The following GREM1 variants were observed in gnomAD, a reference collection of about 807,000 sequenced individuals.
GREM1 encodes the protein gremlin-1.
Under a neutral mutation model 13.1 loss-of-function variants are expected in GREM1, and 6 were observed. That is an observed-to-expected ratio of 0.46 (90% CI 0.25 to 0.91). GREM1 has a LOEUF of 0.91. Among genes scored for constraint, GREM1 ranks in the 40% least tolerant of loss-of-function variants. The pLI, the probability that GREM1 is intolerant of heterozygous loss-of-function variation, is 0.18. For synonymous variants in GREM1, 98 were observed against 93.7 expected, an observed-to-expected ratio of 1.05 and a Z score of -0.27; for missense variants, 185 against 233.9, an observed-to-expected ratio of 0.79 and a Z score of 1.36.
Position 32,737,428 on chromosome 15 carries a change from A to G in GREM1, c.*6183A>G, listed in dbSNP as rs2055709070. 6.6e-6 allele frequency: 1 copy of G among 152,226 alleles called. No individual in the cohort carries two copies. Among genetic ancestry groups the G allele is most frequent in the African/African-American group, 2.4e-5 (1 of 41,458 alleles). The allele number at this position is 152,226 out of a possible 1,614,324, so 9.4% of individuals were successfully genotyped here. On this transcript the variant is annotated 3_prime_UTR_variant, in exon 2 of 2. Transcript: ENST00000651154. ...TGGAAAGGATTATATACCTTGACCA[A>G]GTGGGATTTGCCCCAGGAATGCAAG...
chr15:32,731,821 G>A lies in GREM1; in HGVS notation c.*576G>A, dbSNP rs16957163. On this transcript the variant is annotated 3_prime_UTR_variant, in exon 2 of 2. Coordinates refer to ENST00000651154, the MANE Select transcript of GREM1 (RefSeq NM_013372.7). ...TAATTCACTTAACCATGATGCAAAT[G>A]TTTTTCATTTTGTGAAGACCCTCCA... The A allele has an allele frequency of 0.017, 3,926 of 232,600 alleles. 181 individuals are homozygous for A. The highest frequency in any genetic ancestry group is 0.084 in the African/African-American group (3,725 of 44,454). 14.4% of individuals were successfully genotyped at this position (232,600 alleles called of 1,614,324 possible). A position where few individuals can be genotyped will look rare whatever the true frequency, so the allele number is the denominator to read the frequency against.
rs1236395735 is a variant in GREM1 at position 32,739,176 on chromosome 15, G to A, written c.*7931G>A. 2 of 152,146 alleles carry A rather than the reference G, an allele frequency of 1.3e-5. No homozygotes were observed. Among genetic ancestry groups the A allele is most frequent in the Non-Finnish European group, 2.9e-5 (2 of 68,030 alleles). The allele number at this position is 152,146 out of a possible 1,614,324, so 9.4% of individuals were successfully genotyped here. A position where few individuals can be genotyped will look rare whatever the true frequency, so the allele number is the denominator to read the frequency against. Reference sequence around the variant, plus strand: ...ATCCTAAGGAATTTACAAAAGAACTGCTACCCTGAAAGAATTGTTGTAAGG... The same window carrying A: ...ATCCTAAGGAATTTACAAAAGAACTACTACCCTGAAAGAATTGTTGTAAGG... On this transcript the variant is annotated 3_prime_UTR_variant, in exon 2 of 2. Coordinates refer to ENST00000651154, the MANE Select transcript of GREM1 (RefSeq NM_013372.7).
At position 32,741,582 on chromosome 15, in the gene GREM1, A is replaced by G. The variant is rs1292307349; in HGVS notation, c.*10337A>G. 1 of 152,058 alleles carries G rather than the reference A, an allele frequency of 6.6e-6. No individual in the cohort carries two copies. Among genetic ancestry groups the G allele is most frequent in the African/African-American group, 2.4e-5 (1 of 41,422 alleles). The allele number at this position is 152,058 out of a possible 1,614,324, so 9.4% of individuals were successfully genotyped here. On this transcript the variant is annotated 3_prime_UTR_variant, in exon 2 of 2. Transcript: ENST00000651154. ...CTAACAGTTTTTTGATGGAGTCTTT[A>G]GGGTTTTCTATGTATAAGATTATGT...
At chr15:32,719,118 C>T (rs754279132) in intron 1 of GREM1, 53 of 154,180 alleles carry the variant, frequency 3.4e-4, no homozygotes, top group Non-Finnish European at 4.7e-4. Context: ...TTCTCTCTCG[C>T]TGCCTGGCTG....
intron 1 of GREM1, chr15:32,718,705 G>C (rs1283140539): frequency 2.8e-6 from 1 of 351,908 alleles, no homozygotes; most frequent in East Asian, 7.5e-5. Context: ...TCCCCGAGGT[G>C]AGATGGAGAC....
In GREM1 at chr15:32,742,966, T is replaced by C. The variant is rs879526077; in HGVS notation, c.*11721T>C. On this transcript the variant is annotated 3_prime_UTR_variant, in exon 2 of 2. Coordinates refer to ENST00000651154, the MANE Select transcript of GREM1 (RefSeq NM_013372.7). ...GACATTGCCCTTGGCAATGATTTCA[T>C]GTACATAACAACAAAAGCACAGGTA... is the stretch of plus-strand genomic sequence containing the variant. 6.6e-6 allele frequency: 1 copy of C among 152,232 alleles called. No homozygotes were observed. Among genetic ancestry groups the C allele is most frequent in the Non-Finnish European group, 1.5e-5 (1 of 68,036 alleles). 9.4% of individuals were successfully genotyped at this position (152,232 alleles called of 1,614,324 possible).
At position 32,739,619 on chromosome 15, in the gene GREM1, T is replaced by G. The variant is rs751976298; in HGVS notation, c.*8374T>G. The G allele has an allele frequency of 6.6e-6, 1 of 151,920 alleles. No homozygotes were observed. Among genetic ancestry groups the G allele is most frequent in the Non-Finnish European group, 1.5e-5 (1 of 68,038 alleles). 9.4% of individuals were successfully genotyped at this position (151,920 alleles called of 1,614,324 possible). A position where few individuals can be genotyped will look rare whatever the true frequency, so the allele number is the denominator to read the frequency against. On this transcript the variant is annotated 3_prime_UTR_variant, in exon 2 of 2. Transcript: ENST00000651154. ...TGTATTAGCAAATGCTGGACCCTTC[T>G]TCAATCCACAAACACATCTATTCTG...
In GREM1 at chr15:32,731,268, A is replaced by G. The variant is rs780051578; in HGVS notation, c.*23A>G. ...TAAGCCAAATCCAGGTGCACCCAGC[A>G]TGTCCTAGGAATGCAGCCCCAGGAA... On this transcript the variant is annotated 3_prime_UTR_variant, in exon 2 of 2. Transcript: ENST00000651154. 1.9e-6 allele frequency: 3 copies of G among 1,587,052 alleles called. No individual in the cohort carries two copies. Among genetic ancestry groups the G allele is most frequent in the East Asian group, 2.2e-5 (1 of 44,720 alleles).
At chr15:32,723,084 C>T (rs1567108868) in intron 1 of GREM1, among the ~76,000 whole-genome samples, 3 of 152,256 alleles carry the variant, frequency 2.0e-5, no homozygotes, top group South Asian at 4.1e-4. Context: ...TGAATGATGT[C>T]ATAGGAACCT....
rs955058100 is a variant in GREM1 at position 32,737,975 on chromosome 15, C to T, written c.*6730C>T. On this transcript the variant is annotated 3_prime_UTR_variant, in exon 2 of 2. Coordinates refer to ENST00000651154, the MANE Select transcript of GREM1 (RefSeq NM_013372.7). ...AGAAAAACCCACAGCTAACATCATA[C>T]TTAAAGGTGAAAGACTGAAAGCTTT... 1.7e-5 allele frequency: 2 copies of T among 117,430 alleles called. No homozygotes were observed. Among genetic ancestry groups the T allele is most frequent in the African/African-American group, 6.2e-5 (2 of 32,332 alleles). 7.3% of individuals were successfully genotyped at this position (117,430 alleles called of 1,614,324 possible).
rs1053558104 is a variant in GREM1 at position 32,740,118 on chromosome 15, A to T, written c.*8873A>T. On this transcript the variant is annotated 3_prime_UTR_variant, in exon 2 of 2. Coordinates refer to ENST00000651154, the MANE Select transcript of GREM1 (RefSeq NM_013372.7). Reference sequence around the variant, plus strand: ...GGCCCCCAAATCACTGGGCAGACTTATTGGTGGGGGTCTTCTCCTCTGAGG... The same window carrying T: ...GGCCCCCAAATCACTGGGCAGACTTTTTGGTGGGGGTCTTCTCCTCTGAGG... 10 of 152,242 alleles carry T rather than the reference A, an allele frequency of 6.6e-5. No individual in the cohort carries two copies. Among genetic ancestry groups the T allele is most frequent in the African/African-American group, 2.2e-4 (9 of 41,458 alleles). The allele number at this position is 152,242 out of a possible 1,614,324, so 9.4% of individuals were successfully genotyped here.
intron 1 of GREM1, among the ~76,000 whole-genome samples, chr15:32,721,959 C>T (rs2055416393): frequency 6.6e-6 from 1 of 152,202 alleles, no homozygotes; most frequent in African/African-American, 2.4e-5. Flanking sequence ...TGAGATATTT[C>T]ACAACCAGGT....
Position 32,718,035 on chromosome 15 carries a change from C to T in GREM1, c.-128C>T, listed in dbSNP as rs1219478846. ...TGCGCCTTCCGCGGACCGGGCGACC[C>T]AGTGCACGGCCGCCGCGTCACTCTC... On this transcript the variant is annotated 5_prime_UTR_variant, in exon 1 of 2. Transcript: ENST00000651154. 3.6e-6 allele frequency: 4 copies of T among 1,125,616 alleles called. No individual in the cohort carries two copies. Among genetic ancestry groups the T allele is most frequent in the African/African-American group, 3.3e-5 (2 of 60,820 alleles). 69.7% of individuals were successfully genotyped at this position (1,125,616 alleles called of 1,614,324 possible).
Position 32,730,721 on chromosome 15 carries a change from C to T in GREM1, c.31C>T (p.Leu11=), listed in dbSNP as rs769511007. The part of the protein sequence containing the change: MSRTAYTVGA[L]LLLLGTLLPA... ...CCGCACAGCCTACACGGTGGGAGCCCTGCTTCTCCTCTTGGGGACCCTGCT... is the reference window on the plus strand; with the variant it reads ...CCGCACAGCCTACACGGTGGGAGCCTTGCTTCTCCTCTTGGGGACCCTGCT... Residue 11 remains leucine, a synonymous_variant, in exon 2 of 2, where the codon CTG becomes TTG. Transcript: ENST00000651154. 6.3e-7 allele frequency: 1 copy of T among 1,581,368 alleles called. No homozygotes were observed. The highest frequency in any genetic ancestry group is 8.6e-7 in the Non-Finnish European group (1 of 1,166,750).
In GREM1 at chr15:32,740,090, A is replaced by G. The variant is rs1437154788; in HGVS notation, c.*8845A>G. The G allele has an allele frequency of 1.3e-5, 2 of 152,242 alleles. No individual in the cohort carries two copies. The highest frequency in any genetic ancestry group is 4.8e-5 in the African/African-American group (2 of 41,448). The allele number at this position is 152,242 out of a possible 1,614,324, so 9.4% of individuals were successfully genotyped here. A position where few individuals can be genotyped will look rare whatever the true frequency, so the allele number is the denominator to read the frequency against. ...TTCCCTGGAGAAGGAATGATTTGTT[A>G]AAGGCCCCCAAATCACTGGGCAGAC... On this transcript the variant is annotated 3_prime_UTR_variant, in exon 2 of 2. Coordinates refer to ENST00000651154, the MANE Select transcript of GREM1 (RefSeq NM_013372.7).
At chr15:32,718,436 C>G (rs531268660) in intron 1 of GREM1, 21 of 474,280 alleles carry the variant, frequency 4.4e-5, no homozygotes, top group African/African-American at 4.1e-4. Flanking sequence ...TTCCACCTCC[C>G]GGAGGCCCCC....
chr15:32,719,544 CT>C (rs2055369373), intron 1 of GREM1, among the ~76,000 whole-genome samples: 1 of 150,846 alleles, frequency 6.6e-6, no homozygotes, highest in Admixed American at 6.6e-5. Flanking sequence ...TAAAATCCCC[CT>C]CTTAAACGGT....
rs2055664522 is a variant in GREM1, at chr15:32,734,006, C to A, written c.*2761C>A. On this transcript the variant is annotated 3_prime_UTR_variant, in exon 2 of 2. Transcript: ENST00000651154. Reference sequence around the variant, plus strand: ...TGGTTATTTAATGTAATTATTACTTCAAATCCTTTGGTCACTGTGATTTCA... The same window carrying A: ...TGGTTATTTAATGTAATTATTACTTAAAATCCTTTGGTCACTGTGATTTCA... 4.1e-6 allele frequency: 1 copy of A among 241,700 alleles called. No homozygotes were observed. The highest frequency in any genetic ancestry group is 8.8e-6 in the Non-Finnish European group (1 of 114,274). 15.0% of individuals were successfully genotyped at this position (241,700 alleles called of 1,614,324 possible). A position where few individuals can be genotyped will look rare whatever the true frequency, so the allele number is the denominator to read the frequency against.
intron 1 of GREM1, 69 bp from the exon 2 acceptor site, chr15:32,730,621 T>G: frequency 9.7e-7 from 1 of 1,034,740 alleles, no homozygotes; most frequent in South Asian, 1.6e-5. Context: ...CTAGGTGCTA[T>G]TATTATTAAT....
Sources: gnomAD v4.1 joint callset for allele counts (sites outside exome capture counted in the v4.1 genomes callset) on GRCh38, gnomAD v4.1.1 for gene constraint, MANE v1.5 for transcripts, NCBI Gene and HGNC (gene_info 2026-07-23, HGNC 2026-07-21) for gene names.